The following CBFA2T3 variants were observed in gnomAD, a reference collection of about 807,000 sequenced individuals.
CBFA2T3 encodes CBFA2/RUNX1 partner transcriptional co-repressor 3.
In CBFA2T3, 31 loss-of-function variants were observed where a neutral mutation model predicts 58.6. That is an observed-to-expected ratio of 0.53 (90% CI 0.40 to 0.71). The LOEUF is 0.71. CBFA2T3 is among the 30% of genes least tolerant of loss of function. The pLI, the probability that CBFA2T3 is intolerant of heterozygous loss-of-function variation, is 0.00. For missense variants in CBFA2T3, 1,076 were observed against 963.1 expected (o/e 1.12, Z -1.55); for synonymous variants, 531 against 421.9 (o/e 1.26, Z -3.17).
At chr16:88,934,469 G>C (rs890788752) in intron 1 of CBFA2T3, among the ~76,000 whole-genome samples, 4 of 152,390 alleles carry the variant, frequency 2.6e-5, no homozygotes, top group African/African-American at 7.2e-5. Flanking sequence ...GCCACACAGA[G>C]AGGGTCTCAG....
intron 1 of CBFA2T3, among the ~76,000 whole-genome samples, chr16:88,906,595 C>T (rs1172090425): frequency 6.6e-6 from 1 of 152,230 alleles, no homozygotes; most frequent in Non-Finnish European, 1.5e-5. Flanking sequence ...AGAAAGGGGA[C>T]CGTCTCTGTC....
chr16:88,892,312 G>T lies in CBFA2T3; in HGVS notation c.553C>A (p.Gln185Lys), dbSNP rs1220675328. ...SKLKRFLTTL[Q>K]QFGSDISPEI... is the part of the protein sequence containing the mutation. ...GGGGAGATGTCGCTGCCAAACTGCT[G>T]CAGTGTGGTGAGGAAGCGCTTGAGC... The change falls in exon 4 of 12, where the codon CAG (glutamine) becomes AAG (lysine). Residue 185 changes from glutamine (Q) to lysine (K), a missense_variant. Physicochemically the swap from Gln to Lys is moderately conservative, Grantham distance 53. Coordinates refer to ENST00000268679, the MANE Select transcript of CBFA2T3 (RefSeq NM_005187.6). The T allele has an allele frequency of 1.9e-6, 3 of 1,612,954 alleles. No individual in the cohort carries two copies. In the East Asian group the frequency reaches 6.7e-5, roughly 36 times the overall value.
At chr16:88,887,486 G>A (rs1238910316) in intron 5 of CBFA2T3, among the ~76,000 whole-genome samples, 2 of 152,136 alleles carry the variant, frequency 1.3e-5, no homozygotes, top group African/African-American at 4.8e-5. Flanking sequence ...GGGGCGGTGG[G>A]TGGGGCTGCA....
intron 11 of CBFA2T3, among the ~76,000 whole-genome samples, chr16:88,877,805 C>T (rs1463336999): frequency 6.6e-6 from 1 of 152,178 alleles, no homozygotes; most frequent in Non-Finnish European, 1.5e-5. Flanking sequence ...GGGGATGCCA[C>T]AAAAAGCCTG....
At chr16:88,948,487 C>T (rs1201880892) in intron 1 of CBFA2T3, among the ~76,000 whole-genome samples, 3 of 152,200 alleles carry the variant, frequency 2.0e-5, no homozygotes, top group Non-Finnish European at 4.4e-5. Flanking sequence ...CCAGATGACG[C>T]GGCTTCAAGT....
At chr16:88,914,686 G>A (rs143341799) in intron 1 of CBFA2T3, among the ~76,000 whole-genome samples, 1 of 152,282 alleles carries the variant, frequency 6.6e-6, no homozygotes, top group East Asian at 1.9e-4. Context: ...CCTCTGCCCT[G>A]CACCCTGTGG....
At chr16:88,911,685 G>C (rs767511636) in intron 1 of CBFA2T3, among the ~76,000 whole-genome samples, 2 of 152,382 alleles carry the variant, frequency 1.3e-5, no homozygotes, top group South Asian at 4.1e-4. Context: ...GTCTAGAACA[G>C]AGCGCCTGGC....
intron 8 of CBFA2T3, 36 bp downstream of exon 8, chr16:88,882,640 A>G (rs938496189): frequency 1.3e-5 from 18 of 1,381,240 alleles, no homozygotes; most frequent in South Asian, 3.7e-5. Context: ...GCGCCTGGGC[A>G]TGGCTGTGTG....
chr16:88,931,130 T>G lies in CBFA2T3; in HGVS notation c.152-29474A>C, dbSNP rs563647111. On this transcript the variant is annotated intron_variant, in intron 1 of 11. Transcript: ENST00000268679. ...TTGCTAACAGCCCAGGAGTGATGAG[T>G]GGAGCCAGGCTGCCTCTTCCCTGAG... Among the ~76,000 whole-genome samples, 809 of 151,838 alleles carry G rather than the reference T, an allele frequency of 5.3e-3. 10 individuals are homozygous for G. The highest frequency in any genetic ancestry group is 0.01 in the Middle Eastern group (3 of 294).
chr16:88,901,509 T>G lies in CBFA2T3; in HGVS notation c.299A>C (p.His100Pro). The change falls in exon 2 of 12, where the codon CAC becomes CCC. Residue 100 changes from histidine (H) to proline (P), a missense_variant. Coordinates refer to ENST00000268679, the MANE Select transcript of CBFA2T3 (RefSeq NM_005187.6). The part of the protein sequence containing the change: ...GATRPPSFTP[H>P]THREDGPATL... ...GCCAGGTGGGGGCTACTTACGTGTG[T>G]GTGGCGTGAAGGAGGGGGGGCGTGT... 6 of 1,469,976 alleles carry G rather than the reference T, an allele frequency of 4.1e-6. No individual in the cohort carries two copies. Among genetic ancestry groups the G allele is most frequent in the Non-Finnish European group, 5.4e-6 (6 of 1,113,316 alleles). 91.1% of individuals were successfully genotyped at this position (1,469,976 alleles called of 1,614,324 possible).
intron 8 of CBFA2T3, among the ~76,000 whole-genome samples, chr16:88,882,320 G>T (rs1369619342): frequency 3.3e-5 from 5 of 152,310 alleles, no homozygotes; most frequent in East Asian, 3.9e-4. Flanking sequence ...GGCTGTGTGG[G>T]TGTAGCTGTG....
At chr16:88,908,997 G>C (rs1199771619) in intron 1 of CBFA2T3, among the ~76,000 whole-genome samples, 1 of 149,304 alleles carries the variant, frequency 6.7e-6, no homozygotes, top group Non-Finnish European at 1.5e-5. Flanking sequence ...CCGTGGGTTT[G>C]GAATATGCTC....
chr16:88,927,674 G>A (rs115973109), intron 1 of CBFA2T3, among the ~76,000 whole-genome samples: 3,025 of 152,228 alleles, frequency 0.02, 114 homozygotes, highest in African/African-American at 0.068. Context: ...AGAGGGAGCC[G>A]GGGAAGCCAG....
rs540529036 is a variant in CBFA2T3 at position 88,876,635 on chromosome 16, G to C, written c.*341C>G. ...ACAGAGGGGGAGAGACAGACAGAGAGGAAAAGAGAGGTGGGCAGAGCCGCC... is the reference window on the plus strand; with the variant it reads ...ACAGAGGGGGAGAGACAGACAGAGACGAAAAGAGAGGTGGGCAGAGCCGCC... On this transcript the variant is annotated 3_prime_UTR_variant, in exon 12 of 12. Coordinates refer to ENST00000268679, the MANE Select transcript of CBFA2T3 (RefSeq NM_005187.6). 6 of 313,322 alleles carry C rather than the reference G, an allele frequency of 1.9e-5. No individual in the cohort carries two copies. Among genetic ancestry groups the C allele is most frequent in the African/African-American group, 1.1e-4 (5 of 47,504 alleles). 19.4% of individuals were successfully genotyped at this position (313,322 alleles called of 1,614,324 possible). A position where few individuals can be genotyped will look rare whatever the true frequency, so the allele number is the denominator to read the frequency against.
At chr16:88,941,396 C>T (rs1001460350) in intron 1 of CBFA2T3, among the ~76,000 whole-genome samples, 2 of 146,210 alleles carry the variant, frequency 1.4e-5, no homozygotes, top group African/African-American at 4.9e-5. Context: ...CCGCCTCCTG[C>T]CCCCCGCCGC....
At chr16:88,924,715 T>C (rs1971030562) in intron 1 of CBFA2T3, among the ~76,000 whole-genome samples, 1 of 152,152 alleles carries the variant, frequency 6.6e-6, no homozygotes. Flanking sequence ...CAGATGCAGA[T>C]GGTCTCACCC....
chr16:88,957,039 C>G (rs1184587277), intron 1 of CBFA2T3, among the ~76,000 whole-genome samples: 1 of 152,208 alleles, frequency 6.6e-6, no homozygotes, highest in African/African-American at 2.4e-5. Flanking sequence ...ACTGCGGCAG[C>G]CTGAAGTCGG....
At chr16:88,954,533 C>G (rs1294075205) in intron 1 of CBFA2T3, among the ~76,000 whole-genome samples, 21 of 107,158 alleles carry the variant, frequency 2.0e-4, no homozygotes, top group African/African-American at 7.4e-4. Flanking sequence ...CCTGACTCCA[C>G]CCAAGGCTCC....
At chr16:88,959,006 T>C (rs1010382711) in intron 1 of CBFA2T3, among the ~76,000 whole-genome samples, 5 of 152,026 alleles carry the variant, frequency 3.3e-5, no homozygotes, top group African/African-American at 1.2e-4. Flanking sequence ...AATAGACAAG[T>C]GCTGTGTGCC....
Sources: allele counts gnomAD v4.1 joint callset (sites outside exome capture counted in the v4.1 genomes callset), GRCh38; gene constraint gnomAD v4.1.1; transcripts MANE v1.5; gene names NCBI Gene and HGNC (gene_info 2026-07-23, HGNC 2026-07-21).